The following KHDRBS2 variants were observed in gnomAD, a reference collection of about 807,000 sequenced individuals.
The protein encoded by KHDRBS2 is KH domain-containing, RNA-binding, signal transduction-associated protein 2.
A neutral mutation model predicts 44.3 loss-of-function variants in KHDRBS2; 26 were observed. The ratio of observed to expected loss-of-function variants is 0.59; its 90% confidence interval spans 0.43 to 0.81. The LOEUF (loss-of-function observed/expected upper bound fraction) is 0.81. Among genes scored for constraint, KHDRBS2 ranks in the 40% least tolerant of loss-of-function variants. The pLI, the probability that KHDRBS2 is intolerant of heterozygous loss-of-function variation, is 0.00. For missense variants in KHDRBS2, 476 were observed against 433.1 expected (o/e 1.10, Z -0.88); for synonymous variants, 194 against 151.1 (o/e 1.28, Z -2.08).
the KHDRBS2 span, among the ~76,000 whole-genome samples, chr6:61,673,529 C>T: frequency 0.34 from 49,120 of 143,210 alleles, 9,269 homozygotes; most frequent in East Asian, 0.48. Context: ...AAAACCCCAT[C>T]GTCTCAGCCC....
rs56410130 is a variant in KHDRBS2 at position 61,752,671 on chromosome 6, CAAAAAAAAAAA to C, written c.811-19918_811-19908del. Among the ~76,000 whole-genome samples, 180 of 111,304 alleles carry C rather than the reference CAAAAAAAAAAA, an allele frequency of 1.6e-3. 1 individual carries two copies. The highest frequency in any genetic ancestry group is 2.8e-3 in the Non-Finnish European group (155 of 55,200). 73.0% of individuals were successfully genotyped at this position (111,304 alleles called of 152,430 possible). On this transcript the variant is annotated intron_variant, in intron 6 of 8. Transcript: ENST00000281156. Reference sequence around the variant, plus strand: ...GCACTATTCTAGTGATTGTGGTATACAAAAAAAAAAAAAAAAAAAAAAGAACAAAAATATCC... The same window carrying C: ...GCACTATTCTAGTGATTGTGGTATACAAAAAAAAAAAGAACAAAAATATCC...
rs190113623 is a variant in KHDRBS2, at chr6:61,892,773, A to G, written c.810+1862T>C. On this transcript the variant is annotated intron_variant, in intron 6 of 8. Coordinates refer to ENST00000281156, the MANE Select transcript of KHDRBS2 (RefSeq NM_152688.4). The stretch of plus-strand genomic sequence containing the variant: ...AATTCGAGATGGATTAAAGACTTAA[A>G]TGTTAGACCTAATACCATAAAAACC... Among the ~76,000 whole-genome samples the G allele has an allele frequency of 3.5e-4, 53 of 152,366 alleles. 1 individual carries two copies. Among genetic ancestry groups the G allele is most frequent in the African/African-American group, 1.2e-3 (51 of 41,580 alleles).
At chr6:61,588,785 C>G in the KHDRBS2 span, among the ~76,000 whole-genome samples, 5 of 151,840 alleles carry the variant, frequency 3.3e-5, no homozygotes, top group Non-Finnish European at 5.9e-5. Flanking sequence ...GGGCAAGACC[C>G]TGTCTCAAAA....
At chr6:61,917,898 T>G (rs1326991040) in intron 4 of KHDRBS2, among the ~76,000 whole-genome samples, 3 of 152,008 alleles carry the variant, frequency 2.0e-5, no homozygotes, top group African/African-American at 7.2e-5. Context: ...AACAGCCTAT[T>G]CAAGATTTAA....
the KHDRBS2 span, among the ~76,000 whole-genome samples, chr6:61,609,364 C>A: frequency 1.3e-5 from 2 of 152,000 alleles, no homozygotes; most frequent in African/African-American, 2.4e-5. Flanking sequence ...GTCTCAAAAT[C>A]GGCAATGACG....
chr6:62,011,492 C>A (rs1780280502), intron 3 of KHDRBS2, among the ~76,000 whole-genome samples: 2 of 152,076 alleles, frequency 1.3e-5, no homozygotes, highest in South Asian at 2.1e-4. Flanking sequence ...TGTGGAAAAT[C>A]ATTTCATTAA....
At chr6:61,645,536 G>C in the KHDRBS2 span, among the ~76,000 whole-genome samples, 1 of 118,724 alleles carries the variant, frequency 8.4e-6, no homozygotes, top group Non-Finnish European at 1.9e-5. Flanking sequence ...AAAAAAAAAA[G>C]GTATTTGAGT....
chr6:61,684,876 G>A (rs1453898871), intron 8 of KHDRBS2, among the ~76,000 whole-genome samples: 2 of 151,154 alleles, frequency 1.3e-5, no homozygotes, highest in Non-Finnish European at 3.0e-5. Context: ...AGGCTTTAAA[G>A]TATCATATAT....
At chr6:62,247,706 G>A (rs918180789) in intron 1 of KHDRBS2, among the ~76,000 whole-genome samples, 1 of 151,882 alleles carries the variant, frequency 6.6e-6, no homozygotes, top group Non-Finnish European at 1.5e-5. Flanking sequence ...AGCAATCATC[G>A]CTATGAAGAG....
intron 2 of KHDRBS2, among the ~76,000 whole-genome samples, chr6:62,101,112 CA>C (rs1245798101): frequency 6.6e-6 from 1 of 152,132 alleles, no homozygotes; most frequent in African/African-American, 2.4e-5. Flanking sequence ...AATGTTCAGG[CA>C]GTTGTTTTTT....
intron 2 of KHDRBS2, among the ~76,000 whole-genome samples, chr6:62,146,028 GA>G (rs1285183622): frequency 6.6e-6 from 1 of 151,740 alleles, no homozygotes; most frequent in Non-Finnish European, 1.5e-5. Context: ...GGTCAGCTAA[GA>G]ATCCTAGAAG....
At chr6:62,274,964 C>T (rs1356095296) in intron 1 of KHDRBS2, among the ~76,000 whole-genome samples, 6 of 149,832 alleles carry the variant, frequency 4.0e-5, no homozygotes, top group South Asian at 2.1e-4. Context: ...TCCCAATTAA[C>T]GTATGCTTAA....
At chr6:61,915,055 G>A (rs1402040583) in intron 4 of KHDRBS2, among the ~76,000 whole-genome samples, 1 of 152,060 alleles carries the variant, frequency 6.6e-6, no homozygotes, top group Non-Finnish European at 1.5e-5. Flanking sequence ...TAAGCATTAT[G>A]TCAGGAGTGG....
chr6:62,116,982 T>C lies in KHDRBS2; in HGVS notation c.219+60203A>G, dbSNP rs549880707. Among the ~76,000 whole-genome samples, 6 of 152,296 alleles carry C rather than the reference T, an allele frequency of 3.9e-5. No individual in the cohort carries two copies. In the South Asian group the frequency reaches 1.2e-3, roughly 32 times the overall value. ...TGTGCATATATACCATGTTTCTTTA[T>C]CCATTCATCTATTAATGAACAATTA... On this transcript the variant is annotated intron_variant, in intron 2 of 8. Transcript: ENST00000281156.
intron 4 of KHDRBS2, 63 bp downstream of exon 4, chr6:61,978,003 A>T (rs929985051): frequency 7.4e-7 from 1 of 1,342,868 alleles, no homozygotes; most frequent in Non-Finnish European, 1.0e-6. Context: ...AGTGAAGATC[A>T]AAGGTGCATT....
At chr6:62,102,983 A>G (rs1487072647) in intron 2 of KHDRBS2, among the ~76,000 whole-genome samples, 2 of 151,962 alleles carry the variant, frequency 1.3e-5, no homozygotes, top group Admixed American at 1.3e-4. Context: ...CGAAGTGTGT[A>G]CCTCCCTTCC....
intron 6 of KHDRBS2, among the ~76,000 whole-genome samples, chr6:61,882,133 T>TC (rs1323437345): frequency 6.6e-6 from 1 of 151,828 alleles, no homozygotes; most frequent in African/African-American, 2.4e-5. Context: ...TGAGGTGTTC[T>TC]CCCCCTATAC....
chr6:61,920,527 A>C (rs2127358859), intron 4 of KHDRBS2, among the ~76,000 whole-genome samples: 1 of 151,352 alleles, frequency 6.6e-6, no homozygotes, highest in East Asian at 1.9e-4. Flanking sequence ...AATTTTAGTT[A>C]AAAAATAAAT....
At chr6:61,915,365 T>C (rs887280413) in intron 4 of KHDRBS2, among the ~76,000 whole-genome samples, 10 of 152,064 alleles carry the variant, frequency 6.6e-5, no homozygotes, top group African/African-American at 2.4e-4. Context: ...TGTCCTCATT[T>C]CTGTATAAGG....
Sources: gnomAD v4.1 joint callset for allele counts (sites outside exome capture counted in the v4.1 genomes callset) on GRCh38, gnomAD v4.1.1 for gene constraint, MANE v1.5 for transcripts, NCBI Gene and HGNC (gene_info 2026-07-23, HGNC 2026-07-21) for gene names.